Variants in FARS2 observed in about 807,000 individuals in gnomAD.
The protein encoded by FARS2 is phenylalanyl-tRNA synthetase 2, mitochondrial, also known as phenylalanine--tRNA ligase, mitochondrial.
FARS2 carries 40 observed loss-of-function variants against 46.4 expected under a neutral mutation model. The ratio of observed to expected loss-of-function variants is 0.86; its 90% CI spans 0.67 to 1.12. The LOEUF is 1.12. FARS2 is among the 50% of genes most tolerant of loss of function. The pLI, the probability that FARS2 is intolerant of heterozygous loss-of-function variation, is 0.00. For synonymous variants in FARS2, 234 were observed against 214.9 expected (o/e 1.09, Z -0.78); for missense variants, 513 against 567.9 (o/e 0.90, Z 0.98).
At chr6:5,399,328 C>G (rs1761112824) in intron 2 of FARS2, among the ~76,000 whole-genome samples, 1 of 151,872 alleles carries the variant, frequency 6.6e-6, no homozygotes, top group African/African-American at 2.4e-5. Flanking sequence ...ACGTGTGCCA[C>G]CACGCCTGGC....
intron 4 of FARS2, among the ~76,000 whole-genome samples, chr6:5,504,885 G>T (rs1485911940): frequency 6.6e-6 from 1 of 152,098 alleles, no homozygotes; most frequent in African/African-American, 2.4e-5. Context: ...GAGGGCAGTG[G>T]CACAATCTCG....
intron 2 of FARS2, among the ~76,000 whole-genome samples, chr6:5,395,790 C>T (rs1760865163): frequency 6.6e-6 from 1 of 152,166 alleles, no homozygotes; most frequent in African/African-American, 2.4e-5. Context: ...TTTCCTATTC[C>T]TCTTTTTATC....
intron 6 of FARS2, chr6:5,667,904 T>C (rs2150798689): frequency 6.6e-6 from 1 of 152,388 alleles, no homozygotes; most frequent in Admixed American, 6.5e-5. Flanking sequence ...GGTGATCGAC[T>C]CTTAGAGCAA....
intron 6 of FARS2, among the ~76,000 whole-genome samples, chr6:5,718,708 G>A (rs1193205306): frequency 6.6e-6 from 1 of 152,150 alleles, no homozygotes; most frequent in African/African-American, 2.4e-5. Context: ...CCTTGACTGA[G>A]TAGCTAATGG....
intron 1 of FARS2, among the ~76,000 whole-genome samples, chr6:5,328,314 A>G (rs994202205): frequency 1.3e-5 from 2 of 152,212 alleles, no homozygotes; most frequent in Non-Finnish European, 2.9e-5. Flanking sequence ...TGGTCTAGGG[A>G]ATAATTTTAT....
intron 1 of FARS2, among the ~76,000 whole-genome samples, chr6:5,315,742 C>A (rs1415910685): frequency 1.2e-5 from 1 of 80,476 alleles, no homozygotes; most frequent in African/African-American, 6.1e-5. Flanking sequence ...TTCTTTTTTC[C>A]TTTCTTTCTT....
chr6:5,403,218 A>G (rs2127716182), intron 2 of FARS2, among the ~76,000 whole-genome samples: 1 of 152,310 alleles, frequency 6.6e-6, no homozygotes, highest in Middle Eastern at 3.4e-3. Context: ...TAGAGGAAGT[A>G]TGTCTGGGAT....
chr6:5,602,614 T>C (rs1317291854), intron 5 of FARS2, among the ~76,000 whole-genome samples: 1 of 115,666 alleles, frequency 8.6e-6, no homozygotes, highest in Non-Finnish European at 1.6e-5. Context: ...GCCACTGCAC[T>C]CCAGTCTGGC....
At chr6:5,761,823 A>C (rs919382049) in intron 6 of FARS2, among the ~76,000 whole-genome samples, 1 of 152,072 alleles carries the variant, frequency 6.6e-6, no homozygotes, top group African/African-American at 2.4e-5. Flanking sequence ...AAAAAAAAAA[A>C]AAAAAGAGGC....
At chr6:5,273,752 A>AT (rs1561923990) in intron 1 of FARS2, among the ~76,000 whole-genome samples, 1 of 152,194 alleles carries the variant, frequency 6.6e-6, no homozygotes, top group Non-Finnish European at 1.5e-5. Flanking sequence ...TGCCCAGACC[A>AT]ATATCCTGGG....
At chr6:5,707,941 C>T (rs1045455886) in intron 6 of FARS2, among the ~76,000 whole-genome samples, 1 of 152,206 alleles carries the variant, frequency 6.6e-6, no homozygotes, top group African/African-American at 2.4e-5. Flanking sequence ...GCTACTAATT[C>T]CTTATGGCTG....
chr6:5,286,758 A>G (rs1342212239), intron 1 of FARS2, among the ~76,000 whole-genome samples: 1 of 152,246 alleles, frequency 6.6e-6, no homozygotes, highest in Non-Finnish European at 1.5e-5. Context: ...TAGAACATGC[A>G]TAATGTATAC....
At chr6:5,744,252 C>A (rs1367113502) in intron 6 of FARS2, among the ~76,000 whole-genome samples, 1 of 152,142 alleles carries the variant, frequency 6.6e-6, no homozygotes, top group Non-Finnish European at 1.5e-5. Flanking sequence ...GGTGGAGAGA[C>A]CAAGCCAGAA....
intron 6 of FARS2, among the ~76,000 whole-genome samples, chr6:5,674,170 C>A (rs1421175190): frequency 1.0e-5 from 1 of 95,524 alleles, no homozygotes; most frequent in Non-Finnish European, 2.0e-5. Flanking sequence ...AAAAAGGATT[C>A]TTTTCAGTTA....
At chr6:5,384,722 C>T (rs540487252) in intron 2 of FARS2, among the ~76,000 whole-genome samples, 6 of 152,028 alleles carry the variant, frequency 3.9e-5, no homozygotes, top group African/African-American at 1.2e-4. Context: ...ATAGGAGGAA[C>T]CTGTCTGTTT....
chr6:5,497,286 A>G (rs1767529225), intron 4 of FARS2, among the ~76,000 whole-genome samples: 1 of 152,164 alleles, frequency 6.6e-6, no homozygotes, highest in African/African-American at 2.4e-5. Context: ...GTTTGAATTG[A>G]TAACTGTTCC....
intron 6 of FARS2, among the ~76,000 whole-genome samples, chr6:5,614,503 A>G (rs1003950248): frequency 2.7e-5 from 4 of 146,962 alleles, no homozygotes; most frequent in Admixed American, 6.9e-5. Context: ...TCCGCCTCCC[A>G]GGTTCACGCC....
intron 2 of FARS2, among the ~76,000 whole-genome samples, chr6:5,372,594 C>T (rs1415330426): frequency 6.6e-6 from 1 of 152,044 alleles, no homozygotes; most frequent in Non-Finnish European, 1.5e-5. Context: ...GTTCCATATT[C>T]TCAGAAATTT....
At chr6:5,599,808 G>A (rs1428475125) in intron 5 of FARS2, among the ~76,000 whole-genome samples, 3 of 152,070 alleles carry the variant, frequency 2.0e-5, no homozygotes, top group Non-Finnish European at 4.4e-5. Context: ...GGCTGAGGCC[G>A]CCACCTCCTC....
Sources: gnomAD v4.1 joint callset for allele counts (sites outside exome capture counted in the v4.1 genomes callset) on GRCh38, gnomAD v4.1.1 for gene constraint, MANE v1.5 for transcripts, NCBI Gene and HGNC (gene_info 2026-07-23, HGNC 2026-07-21) for gene names.